SPEF2: variants seen among roughly 807,000 people sequenced by gnomAD.
SPEF2 encodes sperm flagellar and cilia associated 2.
Under a neutral mutation model 224.6 loss-of-function variants are expected in SPEF2, and 187 were observed. The ratio of observed to expected loss-of-function variants is 0.83; its 90% CI spans 0.74 to 0.94. The LOEUF (loss-of-function observed/expected upper bound fraction) is 0.94. Ranked by LOEUF, SPEF2 falls within the 40% of genes least tolerant of loss-of-function variation. The pLI, the probability that SPEF2 is intolerant of heterozygous loss-of-function variation, is 0.00. For synonymous variants in SPEF2, 715 were observed against 707.3 expected, an observed-to-expected ratio of 1.01 and a Z score of -0.17; for missense variants, 2,170 against 2,135.6, an observed-to-expected ratio of 1.02 and a Z score of -0.32.
At chr5:35,708,477 C>T (rs947973852) in intron 18 of SPEF2, among the ~76,000 whole-genome samples, 1 of 151,432 alleles carries the variant, frequency 6.6e-6, no homozygotes, top group African/African-American at 2.4e-5. Flanking sequence ...TTGCTAACCC[C>T]TTATACCTGC....
At chr5:35,661,255 TA>T (rs1321679291) in intron 8 of SPEF2, among the ~76,000 whole-genome samples, 38 of 968 alleles carry the variant, frequency 0.039, 1 homozygote, top group African/African-American at 0.066. Flanking sequence ...TGGTATATAT[TA>T]TATATATATA....
In SPEF2 at chr5:35,693,547, C is replaced by T. The variant is rs76259193; in HGVS notation, c.1900-741C>T. 3.1e-3 allele frequency among the ~76,000 whole-genome samples: 475 copies of T among 152,080 alleles called. 21 individuals carry two copies. In the East Asian group the frequency reaches 0.083, roughly 27 times the overall value. On this transcript the variant is annotated intron_variant, in intron 12 of 36. Coordinates refer to ENST00000356031, the MANE Select transcript of SPEF2 (RefSeq NM_024867.4). ...GGAGGGGTGAATAGGAAAATGTAGC[C>T]CCACCTTCAGAATCCTTGATGTAGT... is the stretch of plus-strand genomic sequence containing the variant.
At chr5:35,760,512 C>G (rs1751121176) in intron 25 of SPEF2, among the ~76,000 whole-genome samples, 1 of 152,128 alleles carries the variant, frequency 6.6e-6, no homozygotes, top group Non-Finnish European at 1.5e-5. Context: ...ACAGTAAAGT[C>G]TCAGTAGTAT....
intron 7 of SPEF2, among the ~76,000 whole-genome samples, chr5:35,656,801 G>A (rs191523431): frequency 1.3e-5 from 2 of 152,330 alleles, no homozygotes; most frequent in Non-Finnish European, 2.9e-5. Flanking sequence ...AAGAGCCAGG[G>A]CTCTATATAT....
At chr5:35,669,414 T>G (rs1750935194) in intron 9 of SPEF2, among the ~76,000 whole-genome samples, 1 of 152,126 alleles carries the variant, frequency 6.6e-6, no homozygotes, top group Non-Finnish European at 1.5e-5. Flanking sequence ...TAAAGAGACC[T>G]TCCTGGAACC....
intron 20 of SPEF2, among the ~76,000 whole-genome samples, chr5:35,715,816 C>CTTT (rs1554040257): frequency 8.5e-6 from 1 of 117,932 alleles, no homozygotes; most frequent in African/African-American, 3.2e-5. Flanking sequence ...GATATAATTT[C>CTTT]TTTTTTTTTT....
intron 27 of SPEF2, among the ~76,000 whole-genome samples, chr5:35,773,368 A>G (rs531665033): frequency 1.3e-5 from 2 of 152,298 alleles, no homozygotes; most frequent in Non-Finnish European, 2.9e-5. Flanking sequence ...TGACAGAGCA[A>G]GACTGTCTCA....
intron 15 of SPEF2, 153 bp from the exon 16 acceptor site, chr5:35,700,343 C>T: frequency 2.9e-6 from 2 of 690,240 alleles, no homozygotes; most frequent in South Asian, 3.9e-5. Flanking sequence ...GATTGTGGCA[C>T]ATCAGTAAAC....
intron 31 of SPEF2, among the ~76,000 whole-genome samples, 153 bp from the exon 32 acceptor site, chr5:35,793,006 A>G (rs1195789299): frequency 6.6e-6 from 1 of 152,218 alleles, no homozygotes; most frequent in Non-Finnish European, 1.5e-5. Context: ...GATGGTTGGT[A>G]GAATAAAGGA....
At chr5:35,772,121 A>C (rs1427011928) in intron 27 of SPEF2, among the ~76,000 whole-genome samples, 1 of 152,228 alleles carries the variant, frequency 6.6e-6, no homozygotes, top group Non-Finnish European at 1.5e-5. Context: ...AGCTATGTGT[A>C]TGTTTCAGGG....
At chr5:35,664,810 G>T (rs956242776) in intron 8 of SPEF2, among the ~76,000 whole-genome samples, 5 of 98,730 alleles carry the variant, frequency 5.1e-5, no homozygotes, top group Admixed American at 3.3e-4. Context: ...GGGAGAGGAA[G>T]AGGGAGAGGG....
chr5:35,664,773 AG>A (rs1750232203), intron 8 of SPEF2, among the ~76,000 whole-genome samples: 4 of 143,762 alleles, frequency 2.8e-5, no homozygotes, highest in Admixed American at 6.8e-5. Context: ...GGAGAGAGAG[AG>A]AGAGAGAAAG....
At chr5:35,643,703 A>G in intron 3 of SPEF2, 1 of 346,304 alleles carries the variant, frequency 2.9e-6, no homozygotes, top group Non-Finnish European at 5.8e-6. Flanking sequence ...GGTGCAGGTA[A>G]TATTAATAAT....
At chr5:35,802,225 C>T (rs544645721) in intron 34 of SPEF2, among the ~76,000 whole-genome samples, 1 of 152,262 alleles carries the variant, frequency 6.6e-6, no homozygotes, top group South Asian at 2.1e-4. Context: ...GGATCCGAGG[C>T]CTCCCCATTA....
intron 30 of SPEF2, chr5:35,788,057 G>A: frequency 1.4e-6 from 1 of 702,956 alleles, no homozygotes; most frequent in Non-Finnish European, 2.6e-6. Flanking sequence ...AGTGAAGTCA[G>A]GGGGAAGTCA....
Position 35,697,707 on chromosome 5 carries a change from G to A in SPEF2, c.2055G>A (p.Gln685=). The change falls in exon 15 of 37, where the codon CAG becomes CAA. Residue 685 remains glutamine, a synonymous_variant. Coordinates refer to ENST00000356031, the MANE Select transcript of SPEF2 (RefSeq NM_024867.4). The stretch of plus-strand genomic sequence containing the variant: ...TTTCCCAGCTCACTACACGTGCTCA[G>A]CTTGGTGCAAAATCAGAACAGTTGC... ...DSFLKLTTRA[Q]LGAKSEQLLK... 6.2e-7 allele frequency: 1 copy of A among 1,613,284 alleles called. No homozygotes were observed. The highest frequency in any genetic ancestry group is 8.5e-7 in the Non-Finnish European group (1 of 1,179,590).
intron 2 of SPEF2, among the ~76,000 whole-genome samples, chr5:35,637,333 C>T (rs541967955): frequency 2.6e-5 from 4 of 152,102 alleles, no homozygotes; most frequent in Non-Finnish European, 4.4e-5. Flanking sequence ...AAGGAGGAAC[C>T]GATTTTTGGA....
At chr5:35,785,645 C>A (rs980343887) in intron 30 of SPEF2, among the ~76,000 whole-genome samples, 7 of 151,652 alleles carry the variant, frequency 4.6e-5, no homozygotes, top group Admixed American at 2.0e-4. Flanking sequence ...AACCCCCCCC[C>A]ACCTCAGCCT....
Position 35,694,304 on chromosome 5 carries a change from T to G in SPEF2, c.1916T>G (p.Phe639Cys), listed in dbSNP as rs1317725863. 1 of 1,613,626 alleles carries G rather than the reference T, an allele frequency of 6.2e-7. No individual in the cohort carries two copies. The highest frequency in any genetic ancestry group is 1.7e-4 in the Middle Eastern group (1 of 6,050). ...TCTCCAAAGGATCCACAACATGTATTTTCAGCTGGTCCAGTTTCAGATGAA... is the reference window on the plus strand; with the variant it reads ...TCTCCAAAGGATCCACAACATGTATGTTCAGCTGGTCCAGTTTCAGATGAA... ...IKESQDPQHVFSAGPVSDEVL... is the reference protein window; with the variant it reads ...IKESQDPQHVCSAGPVSDEVL... Residue 639 changes from phenylalanine (F) to cysteine (C), a missense_variant, in exon 13 of 37, where the codon TTT becomes TGT. By Grantham distance (205) the Phe-to-Cys change is radical. Transcript: ENST00000356031.
Sources: gnomAD v4.1 joint callset for allele counts (sites outside exome capture counted in the v4.1 genomes callset) on GRCh38, gnomAD v4.1.1 for gene constraint, MANE v1.5 for transcripts, NCBI Gene and HGNC (gene_info 2026-07-23, HGNC 2026-07-21) for gene names.